Variants in PCYT1B observed in about 807,000 individuals in gnomAD.
PCYT1B encodes choline-phosphate cytidylyltransferase B.
Under a neutral mutation model 26.4 loss-of-function variants are expected in PCYT1B, and 10 were observed. The observed-to-expected ratio is 0.38, with a 90% CI of 0.23 to 0.64. The LOEUF (loss-of-function observed/expected upper bound fraction) is 0.64. Among genes scored for constraint, PCYT1B ranks in the 30% least tolerant of loss-of-function variants. The pLI, the probability that PCYT1B is intolerant of heterozygous loss-of-function variation, is 0.56. For synonymous variants in PCYT1B, 131 were observed against 108.4 expected (o/e 1.21, Z -1.29); for missense variants, 161 against 292.7 (o/e 0.55, Z 3.28).
chrX:24,641,301 T>C (rs935531155), intron 1 of PCYT1B, among the ~76,000 whole-genome samples: 6 of 112,016 alleles, frequency 5.4e-5, no homozygotes, highest in Admixed American at 3.8e-4. Flanking sequence ...TTTATCTCTT[T>C]AGTGTTTCCC....
At chrX:24,625,235 A>C (rs1733107360) in intron 1 of PCYT1B, among the ~76,000 whole-genome samples, 1 of 112,365 alleles carries the variant, frequency 8.9e-6, no homozygotes, top group Admixed American at 9.5e-5. Flanking sequence ...CAGCTTTAGA[A>C]CCACAAATTC....
At chrX:24,609,232 G>T (rs112422584) in intron 2 of PCYT1B, among the ~76,000 whole-genome samples, 1 of 109,657 alleles carries the variant, frequency 9.1e-6, no homozygotes, top group African/African-American at 3.3e-5. Flanking sequence ...GTGCAGTGGC[G>T]CAATCTCGGC....
At chrX:24,562,806 C>A (rs1403678471) in intron 7 of PCYT1B, among the ~76,000 whole-genome samples, 5 of 107,898 alleles carry the variant, frequency 4.6e-5, no homozygotes, top group Admixed American at 2.0e-4. Context: ...TGGCTCACTG[C>A]AACCTCAGCC....
At chrX:24,639,462 G>A (rs1008867954) in intron 1 of PCYT1B, among the ~76,000 whole-genome samples, 1 of 111,180 alleles carries the variant, frequency 9.0e-6, no homozygotes, top group Non-Finnish European at 1.9e-5. Context: ...GATGGGCATT[G>A]GTGTGGAGTC....
intron 7 of PCYT1B, among the ~76,000 whole-genome samples, chrX:24,563,007 G>A (rs753903966): frequency 2.7e-5 from 3 of 111,696 alleles, no homozygotes; most frequent in Admixed American, 9.5e-5. Context: ...GATTACAGGC[G>A]TGAGCCACCA....
chrX:24,622,452 C>T (rs1414141649), intron 1 of PCYT1B, among the ~76,000 whole-genome samples: 1 of 112,193 alleles, frequency 8.9e-6, no homozygotes, highest in Middle Eastern at 4.2e-3. Flanking sequence ...AACTTCAGGA[C>T]AATGTGAGTA....
chrX:24,592,516 C>CCA (rs1270010857), intron 3 of PCYT1B, among the ~76,000 whole-genome samples: 1 of 111,386 alleles, frequency 9.0e-6, no homozygotes, highest in Non-Finnish European at 1.9e-5. Flanking sequence ...GCTCCCATCC[C>CCA]CACCCCTTCA....
At chrX:24,626,512 A>C (rs997155833) in intron 1 of PCYT1B, among the ~76,000 whole-genome samples, 4 of 112,499 alleles carry the variant, frequency 3.6e-5, no homozygotes, top group Non-Finnish European at 7.5e-5. Context: ...GCATTCATGC[A>C]ATGTTCATAA....
chrX:24,629,849 CAT>C (rs1050404990), intron 1 of PCYT1B, among the ~76,000 whole-genome samples: 6 of 111,286 alleles, frequency 5.4e-5, no homozygotes, highest in Non-Finnish European at 1.1e-4. Flanking sequence ...CTAGAAGACT[CAT>C]AGTACTATAA....
At chrX:24,585,217 C>T (rs1278475871) in intron 5 of PCYT1B, among the ~76,000 whole-genome samples, 3 of 110,978 alleles carry the variant, frequency 2.7e-5, no homozygotes, top group East Asian at 2.9e-4. Flanking sequence ...GGGGCAGGGG[C>T]AGGAAAGAGA....
chrX:24,575,305 C>A lies in PCYT1B; in HGVS notation c.722G>T (p.Arg241Leu). Residue 241 changes from arginine (R) to leucine (L), a missense_variant, in exon 7 of 8, where the codon CGT becomes CTT. Physicochemically the swap from Arg to Leu is moderately radical, Grantham distance 102. Transcript: ENST00000379144. ...NVSFINEKRY[R>L]FQNQVDKMKE... is the part of the protein sequence containing the mutation. ...CATTTTGTCCACTTGGTTCTGGAAA[C>A]GGTACCTCTTCTCCTGGTGAAAGTT... 1.7e-6 allele frequency: 2 copies of A among 1,174,870 alleles called. No homozygotes were observed. Among genetic ancestry groups the A allele is most frequent in the Non-Finnish European group, 2.3e-6 (2 of 876,888 alleles).
intron 1 of PCYT1B, among the ~76,000 whole-genome samples, chrX:24,671,521 T>C (rs1212063016): frequency 9.0e-6 from 1 of 111,270 alleles, no homozygotes; most frequent in Non-Finnish European, 1.9e-5. Context: ...AGCTCAAGTG[T>C]CTGCTGGATA....
chrX:24,567,072 T>G (rs182410917), intron 7 of PCYT1B, among the ~76,000 whole-genome samples: 17 of 112,429 alleles, frequency 1.5e-4, no homozygotes, highest in Admixed American at 7.6e-4. Context: ...CTTGAACTTC[T>G]AGCAGGCACT....
chrX:24,602,652 C>T (rs1408444026), intron 3 of PCYT1B, among the ~76,000 whole-genome samples: 3 of 110,766 alleles, frequency 2.7e-5, no homozygotes, highest in African/African-American at 9.8e-5. Context: ...GCTGTACTTT[C>T]CAGTCAATTT....
chrX:24,627,297 G>A (rs1417361106), intron 1 of PCYT1B, among the ~76,000 whole-genome samples: 1 of 112,140 alleles, frequency 8.9e-6, no homozygotes, highest in Non-Finnish European at 1.9e-5. Context: ...GTAAAGACTG[G>A]CTTTCACTCT....
At chrX:24,613,233 C>G (rs1341404611) in intron 2 of PCYT1B, among the ~76,000 whole-genome samples, 1 of 112,071 alleles carries the variant, frequency 8.9e-6, no homozygotes, top group Non-Finnish European at 1.9e-5. Context: ...ATTAAACACC[C>G]AGTAATTATG....
intron 1 of PCYT1B, among the ~76,000 whole-genome samples, chrX:24,670,945 T>C: frequency 9.0e-6 from 1 of 111,001 alleles, no homozygotes; most frequent in Non-Finnish European, 1.9e-5. Context: ...CAACTTTCCA[T>C]ATCTGCACCA....
At chrX:24,629,559 CAAAAAAAAAAA>C (rs1165553186) in intron 1 of PCYT1B, among the ~76,000 whole-genome samples, 19 of 16,105 alleles carry the variant, frequency 1.2e-3, no homozygotes, top group Admixed American at 4.4e-3. Context: ...GACCCTGTCT[CAAAAAAAAAAA>C]AAAAAAAAAA....
intron 2 of PCYT1B, among the ~76,000 whole-genome samples, chrX:24,611,512 TC>T (rs958431398): frequency 2.7e-5 from 3 of 111,377 alleles, no homozygotes; most frequent in African/African-American, 9.8e-5. Flanking sequence ...TGCATGGCTA[TC>T]GTGGAGAGAC....
Sources: allele counts gnomAD v4.1 joint callset (sites outside exome capture counted in the v4.1 genomes callset), GRCh38; gene constraint gnomAD v4.1.1; transcripts MANE v1.5; gene names NCBI Gene and HGNC (gene_info 2026-07-23, HGNC 2026-07-21).